The following NME7 variants were observed in gnomAD, a reference collection of about 807,000 sequenced individuals.
NME7 encodes the protein nucleoside diphosphate kinase 7.
In NME7, 41 loss-of-function variants were observed where a neutral mutation model predicts 49.1. That is an observed-to-expected ratio of 0.83 (90% confidence interval 0.65 to 1.08). The LOEUF is 1.08. NME7 is among the 50% of genes least tolerant of loss of function. The pLI is 0.00. For synonymous variants in NME7, 139 were observed against 150.6 expected, an observed-to-expected ratio of 0.92 and a Z score of 0.56; for missense variants, 423 against 463.4, an observed-to-expected ratio of 0.91 and a Z score of 0.80.
intron 10 of NME7, among the ~76,000 whole-genome samples, chr1:169,208,155 C>G (rs1266494402): frequency 6.6e-6 from 1 of 152,050 alleles, no homozygotes; most frequent in African/African-American, 2.4e-5. Flanking sequence ...CTTATTTGAT[C>G]GTAAATTTTT....
chr1:169,348,969 T>G (rs140856257), intron 1 of NME7, among the ~76,000 whole-genome samples: 1 of 151,760 alleles, frequency 6.6e-6, no homozygotes, highest in Non-Finnish European at 1.5e-5. Context: ...CTAGGCTAAA[T>G]AGGTTCAAAT....
At chr1:169,150,121 A>G (rs1658867951) in intron 11 of NME7, among the ~76,000 whole-genome samples, 1 of 152,156 alleles carries the variant, frequency 6.6e-6, no homozygotes, top group Non-Finnish European at 1.5e-5. Context: ...GCATTGAGCT[A>G]TGATTGCACC....
At chr1:169,308,408 A>G (rs1319547217) in intron 4 of NME7, among the ~76,000 whole-genome samples, 1 of 152,188 alleles carries the variant, frequency 6.6e-6, no homozygotes, top group African/African-American at 2.4e-5. Flanking sequence ...CCAAAAACAA[A>G]CAAAAACTAG....
chr1:169,179,072 C>T (rs1184429633), intron 10 of NME7, among the ~76,000 whole-genome samples: 3 of 152,130 alleles, frequency 2.0e-5, no homozygotes, highest in East Asian at 1.9e-4. Flanking sequence ...CTGCCCACCT[C>T]GGCCTCCCAA....
intron 1 of NME7, among the ~76,000 whole-genome samples, chr1:169,342,423 CGTA>C (rs1374768858): frequency 2.0e-5 from 3 of 149,694 alleles, no homozygotes; most frequent in Non-Finnish European, 4.4e-5. Flanking sequence ...CCCAGTCTCA[CGTA>C]GTACCTTTAT....
chr1:169,280,888 T>G (rs573407339), intron 7 of NME7, among the ~76,000 whole-genome samples: 5 of 151,954 alleles, frequency 3.3e-5, no homozygotes, highest in Admixed American at 1.3e-4. Context: ...TCAGGTAGCA[T>G]AATGCCTCCA....
intron 1 of NME7, among the ~76,000 whole-genome samples, chr1:169,353,464 G>A (rs1026482264): frequency 3.9e-5 from 6 of 151,942 alleles, no homozygotes; most frequent in African/African-American, 1.4e-4. Context: ...AAACATTGAG[G>A]AAAATTCCCA....
At chr1:169,333,509 T>A (rs71523142) in intron 1 of NME7, among the ~76,000 whole-genome samples, 36,690 of 152,064 alleles carry the variant, frequency 0.24, 5,457 homozygotes, top group Non-Finnish European at 0.34. Context: ...AAAGGATAAA[T>A]GTATCAAAAG....
intron 11 of NME7, among the ~76,000 whole-genome samples, chr1:169,141,318 A>T (rs1466298972): frequency 6.6e-6 from 1 of 152,202 alleles, no homozygotes; most frequent in African/African-American, 2.4e-5. Flanking sequence ...TAACATGGAT[A>T]ATGTGCCAAG....
chr1:169,158,066 C>G (rs1314740664), intron 11 of NME7, among the ~76,000 whole-genome samples: 1 of 152,174 alleles, frequency 6.6e-6, no homozygotes, highest in Non-Finnish European at 1.5e-5. Flanking sequence ...TGCCCCTACT[C>G]ACTGGGACAG....
chr1:169,250,949 C>A (rs12736817), intron 7 of NME7, among the ~76,000 whole-genome samples: 37,201 of 151,876 alleles, frequency 0.24, 5,526 homozygotes, highest in Non-Finnish European at 0.34. Flanking sequence ...GTACAATCTG[C>A]AGTTATTAGG....
intron 3 of NME7, among the ~76,000 whole-genome samples, chr1:169,312,855 T>C (rs1268683966): frequency 1.3e-5 from 2 of 152,204 alleles, no homozygotes; most frequent in Non-Finnish European, 2.9e-5. Context: ...AGAATAAATA[T>C]GTAAACTTTA....
intron 1 of NME7, among the ~76,000 whole-genome samples, chr1:169,341,083 G>T (rs1652675937): frequency 6.6e-6 from 1 of 152,214 alleles, no homozygotes; most frequent in Admixed American, 6.5e-5. Context: ...AATGCCTCCA[G>T]GCCGTGTCAG....
intron 1 of NME7, among the ~76,000 whole-genome samples, chr1:169,359,988 A>G (rs548601860): frequency 6.6e-6 from 1 of 152,296 alleles, no homozygotes; most frequent in Admixed American, 6.5e-5. Context: ...GGAAGTGAAG[A>G]AGTTTAGGCA....
chr1:169,331,536 C>T (rs933608922), intron 1 of NME7, among the ~76,000 whole-genome samples: 1 of 152,070 alleles, frequency 6.6e-6, no homozygotes, highest in African/African-American at 2.4e-5. Context: ...TCAAATTATC[C>T]TTGTTTACAG....
chr1:169,225,109 A>G (rs1283514547), intron 10 of NME7, among the ~76,000 whole-genome samples: 1 of 152,082 alleles, frequency 6.6e-6, no homozygotes, highest in Non-Finnish European at 1.5e-5. Context: ...TATAATATAT[A>G]ATTTTTTTTT....
chr1:169,180,365 C>T (rs1409291931), intron 10 of NME7, among the ~76,000 whole-genome samples: 1 of 152,196 alleles, frequency 6.6e-6, no homozygotes, highest in Non-Finnish European at 1.5e-5. Flanking sequence ...CCCTTGTCAG[C>T]ACAATTGCTG....
At chr1:169,253,170 G>A (rs1470828241) in intron 7 of NME7, among the ~76,000 whole-genome samples, 4 of 151,518 alleles carry the variant, frequency 2.6e-5, no homozygotes, top group Non-Finnish European at 5.9e-5. Flanking sequence ...CCATTTTCAC[G>A]ATATTGATTC....
Position 169,324,389 on chromosome 1 carries a change from T to C in NME7, c.111+4A>G, listed in dbSNP as rs1282246320. 6.3e-7 allele frequency: 1 copy of C among 1,591,278 alleles called. No individual in the cohort carries two copies. The highest frequency in any genetic ancestry group is 1.3e-5 in the African/African-American group (1 of 74,534). On this transcript the variant is annotated splice_donor_region_variant and intron_variant, in intron 2 of 11. Coordinates refer to ENST00000367811, the MANE Select transcript of NME7 (RefSeq NM_013330.5). ...AACATTCAAGCAAAGAAAGGCTTAT[T>C]TACCATTTCAACAGATCCATCCCCT... is the stretch of plus-strand genomic sequence containing the variant.
Sources: allele counts gnomAD v4.1 joint callset (sites outside exome capture counted in the v4.1 genomes callset), GRCh38; gene constraint gnomAD v4.1.1; transcripts MANE v1.5; gene names NCBI Gene and HGNC (gene_info 2026-07-23, HGNC 2026-07-21).